Variants in BMP2K observed in about 807,000 individuals in gnomAD.
BMP2K encodes BMP-2-inducible protein kinase.
A neutral mutation model predicts 116.0 loss-of-function variants in BMP2K; 74 were observed. That is an observed-to-expected ratio of 0.64 (90% CI 0.53 to 0.77). BMP2K has a LOEUF of 0.77. Ranked by LOEUF, BMP2K falls within the 30% of genes least tolerant of loss-of-function variation. BMP2K has a pLI of 0.00. For synonymous variants in BMP2K, 486 were observed against 502.5 expected (o/e 0.97, Z 0.44); for missense variants, 1,365 against 1,403.6 (o/e 0.97, Z 0.44).
At chr4:78,793,882 T>G (rs1416296991) in intron 1 of BMP2K, among the ~76,000 whole-genome samples, 1 of 152,202 alleles carries the variant, frequency 6.6e-6, no homozygotes, top group Non-Finnish European at 1.5e-5. Context: ...TTTTACCTTG[T>G]TAATGTAGTT....
At chr4:78,823,514 TTA>T (rs919356679) in intron 1 of BMP2K, among the ~76,000 whole-genome samples, 8 of 147,592 alleles carry the variant, frequency 5.4e-5, no homozygotes, top group Non-Finnish European at 7.5e-5. Flanking sequence ...TTATATATAG[TTA>T]TATATATAGT....
intron 1 of BMP2K, among the ~76,000 whole-genome samples, chr4:78,805,424 AGTTT>A (rs1286328751): frequency 1.3e-5 from 2 of 151,900 alleles, no homozygotes; most frequent in Non-Finnish European, 1.5e-5. Flanking sequence ...TGTTTGGATG[AGTTT>A]GTTCAGTTCT....
intron 2 of BMP2K, among the ~76,000 whole-genome samples, chr4:78,830,360 T>A (rs1175629027): frequency 6.6e-6 from 1 of 152,140 alleles, no homozygotes; most frequent in Non-Finnish European, 1.5e-5. Context: ...TGTTGTTTTA[T>A]TTATAGAGCA....
At chr4:78,786,343 C>G (rs890978582) in intron 1 of BMP2K, among the ~76,000 whole-genome samples, 1 of 151,914 alleles carries the variant, frequency 6.6e-6, no homozygotes, top group Non-Finnish European at 1.5e-5. Context: ...TTCCCAGCAC[C>G]TTGCTCTTGG....
At position 78,912,533 on chromosome 4, in the gene BMP2K, A is replaced by T. The variant is rs1207642405; in HGVS notation, c.*500A>T. 6.5e-6 allele frequency: 1 copy of T among 153,148 alleles called. No individual in the cohort carries two copies. Among genetic ancestry groups the T allele is most frequent in the Non-Finnish European group, 1.5e-5 (1 of 68,798 alleles). 9.5% of individuals were successfully genotyped at this position (153,148 alleles called of 1,614,324 possible). A position where few individuals can be genotyped will look rare whatever the true frequency, so the allele number is the denominator to read the frequency against. ...AGCATTAGAAAGTTATTATCTGGAG[A>T]GTGCAGAGATTTCAGTCCATACACC... On this transcript the variant is annotated 3_prime_UTR_variant, in exon 16 of 16. Transcript: ENST00000502613.
At chr4:78,868,348 G>C (rs1450951239) in intron 10 of BMP2K, among the ~76,000 whole-genome samples, 1 of 152,076 alleles carries the variant, frequency 6.6e-6, no homozygotes, top group African/African-American at 2.4e-5. Context: ...AGACGCCCCC[G>C]TGATTCAGTT....
In BMP2K at chr4:78,821,814, A is replaced by T. The variant is rs1342816197; in HGVS notation, c.179-4223A>T. ...ACTGTGGGAAAGATACGAAGGATAGATACATTGGCTTTATCACTTTTCATT... is the reference window on the plus strand; with the variant it reads ...ACTGTGGGAAAGATACGAAGGATAGTTACATTGGCTTTATCACTTTTCATT... On this transcript the variant is annotated intron_variant, in intron 1 of 15. Transcript: ENST00000502613. Among the ~76,000 whole-genome samples, 8 of 152,332 alleles carry T rather than the reference A, an allele frequency of 5.3e-5. No homozygotes were observed. In the East Asian group the frequency reaches 1.5e-3, roughly 29 times the overall value.
In BMP2K at chr4:78,799,775, A is replaced by G. The variant is rs912212629; in HGVS notation, c.178+23054A>G. Among the ~76,000 whole-genome samples the G allele has an allele frequency of 2.0e-5, 3 of 148,264 alleles. No homozygotes were observed. In the East Asian group the frequency reaches 5.9e-4, roughly 29 times the overall value. On this transcript the variant is annotated intron_variant, in intron 1 of 15. Transcript: ENST00000502613. The stretch of plus-strand genomic sequence containing the variant: ...TGGGTTATAGGTGTACCAAGATTTG[A>G]TTTTTCCTTTCACCCCCTCAGAGTA...
At chr4:78,837,502 T>TA (rs1438422154) in intron 3 of BMP2K, among the ~76,000 whole-genome samples, 2 of 152,198 alleles carry the variant, frequency 1.3e-5, no homozygotes, top group Admixed American at 1.3e-4. Flanking sequence ...GCTTGACTCT[T>TA]TCGTGTTCTC....
At chr4:78,797,461 TC>T (rs1728354028) in intron 1 of BMP2K, among the ~76,000 whole-genome samples, 1 of 152,178 alleles carries the variant, frequency 6.6e-6, no homozygotes, top group Non-Finnish European at 1.5e-5. Flanking sequence ...TTGACTTGAA[TC>T]CCAGAGATTC....
intron 1 of BMP2K, 140 bp from the exon 2 acceptor site, chr4:78,825,897 C>A: frequency 1.6e-6 from 1 of 619,438 alleles, no homozygotes. Flanking sequence ...GGCATTTAAT[C>A]TACTAGTAGC....
chr4:78,864,355 A>G (rs976400312), intron 9 of BMP2K, among the ~76,000 whole-genome samples: 7 of 152,068 alleles, frequency 4.6e-5, no homozygotes, highest in African/African-American at 1.7e-4. Context: ...ATACTTGATT[A>G]TCATTAAAAC....
intron 15 of BMP2K, among the ~76,000 whole-genome samples, chr4:78,910,124 T>C (rs1734506794): frequency 1.3e-5 from 2 of 152,132 alleles, no homozygotes; most frequent in Non-Finnish European, 2.9e-5. Flanking sequence ...TTATAAAAAA[T>C]ACAATGCTGA....
chr4:78,867,181 A>G (rs1732096328), intron 10 of BMP2K, among the ~76,000 whole-genome samples: 1 of 152,094 alleles, frequency 6.6e-6, no homozygotes, highest in Non-Finnish European at 1.5e-5. Context: ...CAAAAAAAAA[A>G]AAGAAAAAAA....
At chr4:78,821,387 T>C (rs1005661197) in intron 1 of BMP2K, among the ~76,000 whole-genome samples, 4 of 152,192 alleles carry the variant, frequency 2.6e-5, no homozygotes, top group Admixed American at 2.0e-4. Context: ...AAAAAAACAC[T>C]GTTTCCAATT....
intron 15 of BMP2K, among the ~76,000 whole-genome samples, chr4:78,889,372 C>T (rs116452367): frequency 2.0e-5 from 3 of 151,746 alleles, no homozygotes; most frequent in East Asian, 3.9e-4. Flanking sequence ...AGGAGAAATG[C>T]GTCTCCTGAG....
At position 78,916,290 on chromosome 4, in the gene BMP2K, C is replaced by T. The variant is rs973373390; in HGVS notation, c.*4257C>T. 1 of 151,906 alleles carries T rather than the reference C, an allele frequency of 6.6e-6. No individual in the cohort carries two copies. Among genetic ancestry groups the T allele is most frequent in the Non-Finnish European group, 1.5e-5 (1 of 67,832 alleles). The allele number at this position is 151,906 out of a possible 1,614,324, so 9.4% of individuals were successfully genotyped here. ...TTTGAAATTTAAAGTTATTTTCTTA[C>T]TGTATTTATCATACCTGTTTTAATC... On this transcript the variant is annotated 3_prime_UTR_variant, in exon 16 of 16. Transcript: ENST00000502613.
In BMP2K at chr4:78,912,923, CTT is replaced by C. The variant is rs1173790392; in HGVS notation, c.*893_*894del. On this transcript the variant is annotated 3_prime_UTR_variant, in exon 16 of 16. Transcript: ENST00000502613. ...TTTATGCATGGCTTCTTGCCCCAAA[CTT>C]TTATTGTGATGGCCCTAATAAAGCA... 2.0e-5 allele frequency: 3 copies of C among 152,110 alleles called. No individual in the cohort carries two copies. Among genetic ancestry groups the C allele is most frequent in the Non-Finnish European group, 4.4e-5 (3 of 68,022 alleles). 9.4% of individuals were successfully genotyped at this position (152,110 alleles called of 1,614,324 possible). A position where few individuals can be genotyped will look rare whatever the true frequency, so the allele number is the denominator to read the frequency against.
chr4:78,824,475 G>T (rs1729777084), intron 1 of BMP2K, among the ~76,000 whole-genome samples: 1 of 152,180 alleles, frequency 6.6e-6, no homozygotes, highest in South Asian at 2.1e-4. Flanking sequence ...AAAACCATTA[G>T]ATCTTGTGAG....
Sources: gnomAD v4.1 joint callset for allele counts (sites outside exome capture counted in the v4.1 genomes callset) on GRCh38, gnomAD v4.1.1 for gene constraint, MANE v1.5 for transcripts, NCBI Gene and HGNC (gene_info 2026-07-23, HGNC 2026-07-21) for gene names.